The following ADIPOR1 variants were observed in gnomAD, a reference collection of about 807,000 sequenced individuals.
ADIPOR1 encodes the protein adiponectin receptor protein 1.
In ADIPOR1, 15 loss-of-function variants were observed where a neutral mutation model predicts 37.5. That is an observed-to-expected ratio of 0.40 (90% CI 0.27 to 0.62). The LOEUF (loss-of-function observed/expected upper bound fraction) is 0.62. ADIPOR1 is among the 20% of genes least tolerant of loss of function. The probability of loss-of-function intolerance (pLI) is 0.42; values close to 1 mark genes in which losing one functional copy is unlikely to be tolerated. For missense variants in ADIPOR1, 286 were observed against 478.0 expected, an observed-to-expected ratio of 0.60 and a Z score of 3.75; for synonymous variants, 173 against 173.2, an observed-to-expected ratio of 1.00 and a Z score of 0.01.
intron 3 of ADIPOR1, among the ~76,000 whole-genome samples, chr1:202,947,406 C>T (rs1654378423): frequency 6.6e-6 from 1 of 151,944 alleles, no homozygotes; most frequent in Non-Finnish European, 1.5e-5. Flanking sequence ...CCTGTAATCC[C>T]AGCTACTCGG....
chr1:202,944,440 C>T (rs1000080392), intron 5 of ADIPOR1: 1 of 154,230 alleles, frequency 6.5e-6, no homozygotes, highest in Non-Finnish European at 1.4e-5. Flanking sequence ...CAAAATAATA[C>T]ACCACTGTCG....
intron 7 of ADIPOR1, 49 bp downstream of exon 7, chr1:202,941,976 G>A: frequency 6.4e-7 from 1 of 1,554,390 alleles, no homozygotes; most frequent in South Asian, 1.2e-5. Flanking sequence ...CTTTAACTTT[G>A]GGCTGTTCAC....
At position 202,943,901 on chromosome 1, in the gene ADIPOR1, A is replaced by G. The variant is rs1326719387; in HGVS notation, c.662T>C (p.Val221Ala). 1 of 1,614,064 alleles carries G rather than the reference A, an allele frequency of 6.2e-7. No individual in the cohort carries two copies. The highest frequency in any genetic ancestry group is 8.5e-7 in the Non-Finnish European group (1 of 1,179,958). Residue 221 changes from valine (V) to alanine (A), a missense_variant, in exon 6 of 8, where the codon GTC becomes GCC. Val to Ala is a moderately conservative substitution (Grantham distance 64, BLOSUM62 0). Coordinates refer to ENST00000340990, the MANE Select transcript of ADIPOR1 (RefSeq NM_015999.6). The stretch of plus-strand genomic sequence containing the variant: ...GTAGAAGGAATAATAGAGCCAGGGG[A>G]CAAAGCTCCCCATAATTAGAAGAGC... ...GIALLIMGSF[V>A]PWLYYSFYCS...
rs76144649 is a variant in ADIPOR1 at position 202,948,091 on chromosome 1, C to T, written c.258+213G>A. 9.8e-3 allele frequency among the ~76,000 whole-genome samples: 1,486 copies of T among 152,218 alleles called. 30 individuals are homozygous for T. The highest frequency in any genetic ancestry group is 0.034 in the African/African-American group (1,417 of 41,538). ...GGCGCCCCTTGCATAGAAAAGAATC[C>T]GTTTTAAGAATATATTTTGAACAAT... On this transcript the variant is annotated intron_variant, in intron 3 of 7. Coordinates refer to ENST00000340990, the MANE Select transcript of ADIPOR1 (RefSeq NM_015999.6).
intron 1 of ADIPOR1, among the ~76,000 whole-genome samples, chr1:202,953,239 A>C (rs375499937): frequency 3.0e-4 from 2 of 6,590 alleles, no homozygotes; most frequent in Non-Finnish European, 1.5e-3. Context: ...TATCGCAAGC[A>C]AAAAAAAAAA....
intron 3 of ADIPOR1, 34 bp from the exon 4 acceptor site, chr1:202,946,644 T>C: frequency 6.2e-7 from 1 of 1,608,450 alleles, no homozygotes; most frequent in Non-Finnish European, 8.5e-7. Flanking sequence ...GGTAGGGCAC[T>C]AGATAGTACC....
intron 2 of ADIPOR1, among the ~76,000 whole-genome samples, chr1:202,948,796 CT>C (rs11335076): frequency 0.8 from 113,130 of 141,272 alleles, 45,219 homozygotes; most frequent in Middle Eastern, 0.89. Flanking sequence ...TTCTTTCTTT[CT>C]TTTTTTTTTT....
At chr1:202,947,085 C>T (rs375723548) in intron 3 of ADIPOR1, among the ~76,000 whole-genome samples, 5 of 151,658 alleles carry the variant, frequency 3.3e-5, no homozygotes, top group African/African-American at 9.7e-5. Context: ...CACTGCACTC[C>T]AGCCTGGGCG....
Position 202,945,095 on chromosome 1 carries a change from C to T in ADIPOR1, c.505G>A (p.Glu169Lys). Residue 169 changes from glutamate to lysine, a missense_variant, in exon 5 of 8, where the codon GAG becomes AAG. Glu to Lys is a moderately conservative substitution (Grantham distance 56, BLOSUM62 1). Coordinates refer to ENST00000340990, the MANE Select transcript of ADIPOR1 (RefSeq NM_015999.6). ...PNMYFMAPLQ[E>K]KVVFGMFFLG... ...AAGAACATCCCAAAAACCACCTTCT[C>T]CTGTAGAGGGGCCATGAAGTACATA... is the stretch of plus-strand genomic sequence containing the variant. The T allele has an allele frequency of 6.2e-7, 1 of 1,614,132 alleles. No individual in the cohort carries two copies. Among genetic ancestry groups the T allele is most frequent in the Non-Finnish European group, 8.5e-7 (1 of 1,180,018 alleles).
chr1:202,957,411 A>C (rs1287613023), intron 1 of ADIPOR1, among the ~76,000 whole-genome samples: 2 of 152,106 alleles, frequency 1.3e-5, no homozygotes, highest in Admixed American at 1.3e-4. Context: ...GAAACGGTGT[A>C]AACTGAAATT....
chr1:202,954,055 CA>C (rs1300821130), intron 1 of ADIPOR1, among the ~76,000 whole-genome samples: 1 of 152,168 alleles, frequency 6.6e-6, no homozygotes, highest in Non-Finnish European at 1.5e-5. Context: ...TTTCCTTTTT[CA>C]GTCCAAATCA....
Position 202,941,675 on chromosome 1 carries a change from G to A in ADIPOR1, c.1026C>T (p.Val342=), listed in dbSNP as rs1654091745. 6.2e-7 allele frequency: 1 copy of A among 1,613,974 alleles called. No homozygotes were observed. The highest frequency in any genetic ancestry group is 1.7e-5 in the Admixed American group (1 of 59,976). ...IWFQSHQIFH[V]LVVAAAFVHF... is the part of the protein sequence containing the mutation. ...GGACAAAGGCTGCTGCCACCACCAG[G>A]ACATGGAAAATCTGATGAGACTGGA... The change falls in exon 8 of 8, where the codon GTC becomes GTT. Residue 342 remains valine, a synonymous_variant. Coordinates refer to ENST00000340990, the MANE Select transcript of ADIPOR1 (RefSeq NM_015999.6).
intron 7 of ADIPOR1, 85 bp from the exon 8 acceptor site, chr1:202,941,786 T>C (rs1399387048): frequency 1.3e-6 from 2 of 1,510,282 alleles, no homozygotes; most frequent in African/African-American, 2.8e-5. Flanking sequence ...CTTCTTCTAG[T>C]TTATCCTTAA....
chr1:202,941,356 G>T lies in ADIPOR1; in HGVS notation c.*217C>A. On this transcript the variant is annotated 3_prime_UTR_variant, in exon 8 of 8. Coordinates refer to ENST00000340990, the MANE Select transcript of ADIPOR1 (RefSeq NM_015999.6). Reference sequence around the variant, plus strand: ...TAGATGCCTTGCTGAGGAGGGGATGGCTAAGTTTGACCATGCCCCATCCCC... The same window carrying T: ...TAGATGCCTTGCTGAGGAGGGGATGTCTAAGTTTGACCATGCCCCATCCCC... The T allele has an allele frequency of 2.4e-6, 1 of 421,744 alleles. No individual in the cohort carries two copies. Among genetic ancestry groups the T allele is most frequent in the African/African-American group, 2.0e-5 (1 of 49,024 alleles). 26.1% of individuals were successfully genotyped at this position (421,744 alleles called of 1,614,324 possible). A position where few individuals can be genotyped will look rare whatever the true frequency, so the allele number is the denominator to read the frequency against.
At chr1:202,949,593 A>AAAAAAAAAAAAAAAAAAAAAC (rs1332418254) in intron 2 of ADIPOR1, among the ~76,000 whole-genome samples, 3 of 138,334 alleles carry the variant, frequency 2.2e-5, no homozygotes, top group Admixed American at 8.1e-5. Flanking sequence ...AAAAAAAAAA[A>AAAAAAAAAAAAAAAAAAAAAC]AAAACACACC....
At chr1:202,947,132 A>C (rs1654362821) in intron 3 of ADIPOR1, among the ~76,000 whole-genome samples, 1 of 152,130 alleles carries the variant, frequency 6.6e-6, no homozygotes, top group South Asian at 2.1e-4. Flanking sequence ...AAACAAAAAA[A>C]CAAAAACAAA....
intron 4 of ADIPOR1, among the ~76,000 whole-genome samples, 164 bp from the exon 5 acceptor site, chr1:202,945,333 CATT>C (rs1231462272): frequency 1.3e-5 from 2 of 152,124 alleles, no homozygotes; most frequent in African/African-American, 4.8e-5. Context: ...CAAGAAAGGC[CATT>C]ATTAAAAAGT....
intron 4 of ADIPOR1, 95 bp downstream of exon 4, chr1:202,946,344 G>T: frequency 6.9e-7 from 1 of 1,457,496 alleles, no homozygotes; most frequent in Non-Finnish European, 9.5e-7. Flanking sequence ...TAGAATCCCA[G>T]CTGCCAATCG....
intron 2 of ADIPOR1, among the ~76,000 whole-genome samples, chr1:202,949,355 C>T (rs997579377): frequency 8.6e-5 from 13 of 150,742 alleles, no homozygotes; most frequent in South Asian, 2.1e-4. Flanking sequence ...CCGAGGCGGG[C>T]GGATCACGAG....
Sources: allele counts gnomAD v4.1 joint callset (sites outside exome capture counted in the v4.1 genomes callset), GRCh38; gene constraint gnomAD v4.1.1; transcripts MANE v1.5; gene names NCBI Gene and HGNC (gene_info 2026-07-23, HGNC 2026-07-21).